The following RHBDD3 variants were observed in gnomAD, a reference collection of about 807,000 sequenced individuals.
The protein encoded by RHBDD3 is rhomboid domain-containing protein 3.
Under a neutral mutation model 32.3 loss-of-function variants are expected in RHBDD3, and 34 were observed. The observed-to-expected ratio is 1.05, with a 90% confidence interval of 0.80 to 1.40. The LOEUF is 1.40. RHBDD3 is among the 40% of genes most tolerant of loss of function. The probability of loss-of-function intolerance (pLI) is 0.00; values close to 1 mark genes in which losing one functional copy is unlikely to be tolerated. For missense variants in RHBDD3, 482 were observed against 492.6 expected (o/e 0.98, Z 0.20); for synonymous variants, 249 against 239.1 (o/e 1.04, Z -0.38).
chr22:29,259,983 GTAGGAGCTCGGGC>G lies in RHBDD3; in HGVS notation c.*64_*76del. The G allele has an allele frequency of 6.9e-7, 1 of 1,449,534 alleles. No homozygotes were observed. The highest frequency in any genetic ancestry group is 9.3e-7 in the Non-Finnish European group (1 of 1,077,128). The allele number at this position is 1,449,534 out of a possible 1,614,324, so 89.8% of individuals were successfully genotyped here. A position where few individuals can be genotyped will look rare whatever the true frequency, so the allele number is the denominator to read the frequency against. The stretch of plus-strand genomic sequence containing the variant: ...CCCACTGTGGCCCTCTTTAGACAGA[GTAGGAGCTCGGGC>G]TACCCACATGCAGCCCAGCCCTTAG... On this transcript the variant is annotated 3_prime_UTR_variant, in exon 7 of 7. Transcript: ENST00000216085.
Position 29,267,856 on chromosome 22 carries a change from C to A in RHBDD3, c.-303G>T, listed in dbSNP as rs1248344176. 1.8e-5 allele frequency: 4 copies of A among 221,040 alleles called. No homozygotes were observed. Among genetic ancestry groups the A allele is most frequent in the Non-Finnish European group, 3.7e-5 (4 of 107,376 alleles). The allele number at this position is 221,040 out of a possible 1,614,324, so 13.7% of individuals were successfully genotyped here. ...GAACCCTGAATCCATTCCGCGCACA[C>A]CCGGCCGCGTGACCCCTGCCGACCG... On this transcript the variant is annotated 5_prime_UTR_variant, in exon 1 of 7. Transcript: ENST00000216085.
At chr22:29,261,805 C>T (rs542165993) in intron 4 of RHBDD3, 45 of 163,944 alleles carry the variant, frequency 2.7e-4, no homozygotes, top group Non-Finnish European at 5.2e-4. Context: ...CAGGCACGTG[C>T]CATCACACCT....
intron 4 of RHBDD3, chr22:29,261,172 C>A: frequency 5.3e-6 from 3 of 562,854 alleles, no homozygotes; most frequent in South Asian, 5.2e-5. Context: ...AAGACCCACC[C>A]GTCCTGGAAG....
At chr22:29,262,270 C>G (rs1375443467) in intron 4 of RHBDD3, among the ~76,000 whole-genome samples, 3 of 150,696 alleles carry the variant, frequency 2.0e-5, no homozygotes, top group Non-Finnish European at 4.4e-5. Flanking sequence ...TCCTGAGCAG[C>G]TGGGATTACA....
chr22:29,263,378 C>T (rs2058141591), intron 4 of RHBDD3, among the ~76,000 whole-genome samples: 2 of 152,180 alleles, frequency 1.3e-5, no homozygotes, highest in Admixed American at 1.3e-4. Flanking sequence ...GGGGTTTCAC[C>T]ATGTTGGCCA....
chr22:29,260,926 C>T lies in RHBDD3; in HGVS notation c.533-62G>A, dbSNP rs1053419340. On this transcript the variant is annotated intron_variant, in intron 4 of 6. Coordinates refer to ENST00000216085, the MANE Select transcript of RHBDD3 (RefSeq NM_012265.3). ...CCAAAAGCAGCCAGGGGTGGGCCCA[C>T]GCCACAGGCCAGGCCCCATGCCAAG... is the stretch of plus-strand genomic sequence containing the variant. The T allele has an allele frequency of 1.9e-5, 27 of 1,447,736 alleles. No homozygotes were observed. The African/African-American group carries it at 2.0e-4, about 11-fold the overall frequency. 89.7% of individuals were successfully genotyped at this position (1,447,736 alleles called of 1,614,324 possible).
intron 4 of RHBDD3, among the ~76,000 whole-genome samples, chr22:29,263,243 C>A (rs1016522548): frequency 6.6e-6 from 1 of 152,368 alleles, no homozygotes; most frequent in Admixed American, 6.5e-5. Context: ...TGGGGTTTTA[C>A]CATGTTGGCC....
At position 29,260,867 on chromosome 22, in the gene RHBDD3, G is replaced by T; in HGVS notation, c.533-3C>A. The T allele has an allele frequency of 6.3e-7, 1 of 1,575,944 alleles. No homozygotes were observed. On this transcript the variant is annotated splice_polypyrimidine_tract_variant and splice_region_variant and intron_variant, in intron 4 of 6. Transcript: ENST00000216085. ...CCACCGGAAGGCCCCAGCTGCATCTGTCTGCCCGGGGCAGGGCGGCCGGTC... is the reference window on the plus strand; with the variant it reads ...CCACCGGAAGGCCCCAGCTGCATCTTTCTGCCCGGGGCAGGGCGGCCGGTC...
In RHBDD3 at chr22:29,260,466, G is replaced by A; in HGVS notation, c.843C>T (p.Ser281=). 3 of 1,608,982 alleles carry A rather than the reference G, an allele frequency of 1.9e-6. No individual in the cohort carries two copies. The highest frequency in any genetic ancestry group is 2.5e-6 in the Non-Finnish European group (3 of 1,178,854). ...CCCACATCGGAGTCCCTGGGGAGAA[G>A]CTGGCCCCAGCCCAGTCCAGGCCTG... The part of the protein sequence containing the change: ...SEAGLDWAGA[S]FSPGTPMWAA... Residue 281 remains serine, a synonymous_variant, in exon 6 of 7, where the codon AGC becomes AGT. Transcript: ENST00000216085.
chr22:29,265,671 G>A lies in RHBDD3; in HGVS notation c.-42-3C>T. ...AAGGGTGGTCCTGGGGCTGTGTGCT[G>A]GGGATAAAAGAAAACAATAACAAGT... is the stretch of plus-strand genomic sequence containing the variant. On this transcript the variant is annotated splice_polypyrimidine_tract_variant and splice_region_variant and intron_variant, in intron 2 of 6. Coordinates refer to ENST00000216085, the MANE Select transcript of RHBDD3 (RefSeq NM_012265.3). The A allele has an allele frequency of 1.3e-6, 2 of 1,535,002 alleles. No individual in the cohort carries two copies. Among genetic ancestry groups the A allele is most frequent in the Non-Finnish European group, 1.7e-6 (2 of 1,152,226 alleles).
chr22:29,265,422 C>T, intron 3 of RHBDD3, 57 bp downstream of exon 3: 2 of 1,427,802 alleles, frequency 1.4e-6, no homozygotes, highest in Non-Finnish European at 9.2e-7. Flanking sequence ...GCCAAGTGGG[C>T]CCAGGCCCTA....
chr22:29,261,344 C>A (rs1249157261), intron 4 of RHBDD3: 2 of 468,866 alleles, frequency 4.3e-6, no homozygotes, highest in Non-Finnish European at 4.4e-6. Flanking sequence ...GCTGTATAAT[C>A]CCAGCACTTG....
chr22:29,260,874 C>T lies in RHBDD3; in HGVS notation c.533-10G>A, dbSNP rs769431219. ...AAGGCCCCAGCTGCATCTGTCTGCC[C>T]GGGGCAGGGCGGCCGGTCAAGGAAA... On this transcript the variant is annotated splice_polypyrimidine_tract_variant and intron_variant, in intron 4 of 6. Coordinates refer to ENST00000216085, the MANE Select transcript of RHBDD3 (RefSeq NM_012265.3). 9.0e-6 allele frequency: 14 copies of T among 1,549,652 alleles called. No individual in the cohort carries two copies. The highest frequency in any genetic ancestry group is 2.0e-5 in the Admixed American group (1 of 50,698).
At chr22:29,262,507 T>A (rs1276013166) in intron 4 of RHBDD3, among the ~76,000 whole-genome samples, 1 of 152,180 alleles carries the variant, frequency 6.6e-6, no homozygotes, top group Non-Finnish European at 1.5e-5. Flanking sequence ...TTTTTCAAGA[T>A]TATCTGAGGT....
At chr22:29,266,093 G>T (rs2058173257) in intron 2 of RHBDD3, among the ~76,000 whole-genome samples, 1 of 152,152 alleles carries the variant, frequency 6.6e-6, no homozygotes, top group Non-Finnish European at 1.5e-5. Flanking sequence ...CCTGGGGTGG[G>T]GCCAGACAAT....
chr22:29,261,057 G>A, intron 4 of RHBDD3, 193 bp from the exon 5 acceptor site: 2 of 655,236 alleles, frequency 3.1e-6, no homozygotes, highest in Non-Finnish European at 5.1e-6. Flanking sequence ...TCTGCCTGAA[G>A]CTACTCAGCC....
At position 29,259,872 on chromosome 22, in the gene RHBDD3, T is replaced by G; in HGVS notation, c.*188A>C. 1 of 608,128 alleles carries G rather than the reference T, an allele frequency of 1.6e-6. No homozygotes were observed. The highest frequency in any genetic ancestry group is 2.9e-6 in the Non-Finnish European group (1 of 350,346). The allele number at this position is 608,128 out of a possible 1,614,324, so 37.7% of individuals were successfully genotyped here. A position where few individuals can be genotyped will look rare whatever the true frequency, so the allele number is the denominator to read the frequency against. On this transcript the variant is annotated 3_prime_UTR_variant, in exon 7 of 7. Transcript: ENST00000216085. ...ACTGCTGCCTCCAAGGAGGTCCAGG[T>G]TGAAAAACAAACTGGTTTTTATTCT... is the stretch of plus-strand genomic sequence containing the variant.
intron 3 of RHBDD3, chr22:29,265,188 C>T (rs1210356228): frequency 1.1e-5 from 3 of 265,540 alleles, no homozygotes; most frequent in Non-Finnish European, 1.4e-5. Flanking sequence ...GCTGGGATTA[C>T]AGGCGTCAGC....
At position 29,263,734 on chromosome 22, in the gene RHBDD3, G is replaced by C. The variant is rs73884707; in HGVS notation, c.532+101C>G. On this transcript the variant is annotated intron_variant, in intron 4 of 6. Coordinates refer to ENST00000216085, the MANE Select transcript of RHBDD3 (RefSeq NM_012265.3). ...CTGGAATGTGTGTGCACGGCTCCTTGGTATTGCTTGGGCCTTCACCCCTTT... is the reference window on the plus strand; with the variant it reads ...CTGGAATGTGTGTGCACGGCTCCTTCGTATTGCTTGGGCCTTCACCCCTTT... The C allele has an allele frequency of 1.9e-3, 2,684 of 1,438,914 alleles. 46 individuals are homozygous for C. In the African/African-American group the frequency reaches 0.035, roughly 19 times the overall value. The allele number at this position is 1,438,914 out of a possible 1,614,324, so 89.1% of individuals were successfully genotyped here.
Sources: allele counts gnomAD v4.1 joint callset (sites outside exome capture counted in the v4.1 genomes callset), GRCh38; gene constraint gnomAD v4.1.1; transcripts MANE v1.5; gene names NCBI Gene and HGNC (gene_info 2026-07-23, HGNC 2026-07-21).